Variants in GNB1 observed in about 807,000 individuals in gnomAD.
GNB1 encodes the protein G protein subunit beta 1, also known as guanine nucleotide-binding protein G(I)/G(S)/G(T) subunit beta-1.
Under a neutral mutation model 42.9 loss-of-function variants are expected in GNB1, and 2 were observed. The ratio of observed to expected loss-of-function variants is 0.05; its 90% CI spans 0.02 to 0.15. GNB1 has a LOEUF of 0.15. GNB1 is among the 10% of genes least tolerant of loss of function. The probability of loss-of-function intolerance (pLI) is 1.00; values close to 1 mark genes in which losing one functional copy is unlikely to be tolerated. For synonymous variants in GNB1, 183 were observed against 174.7 expected (o/e 1.05, Z -0.38); for missense variants, 193 against 462.2 (o/e 0.42, Z 5.34).
chr1:1,805,457 G>C (rs925160458), intron 6 of GNB1, among the ~76,000 whole-genome samples: 1 of 151,940 alleles, frequency 6.6e-6, no homozygotes, highest in Admixed American at 6.6e-5. Flanking sequence ...GCAATGCTCC[G>C]TCTCAAAAAC....
At chr1:1,859,666 GA>G (rs1451100275) in intron 1 of GNB1, among the ~76,000 whole-genome samples, 2 of 135,250 alleles carry the variant, frequency 1.5e-5, no homozygotes, top group African/African-American at 5.4e-5. Flanking sequence ...CTAAAGGAGA[GA>G]AAAGGGGAGA....
At chr1:1,855,158 CAAAA>C (rs35111543) in intron 1 of GNB1, among the ~76,000 whole-genome samples, 2 of 133,098 alleles carry the variant, frequency 1.5e-5, no homozygotes, top group Non-Finnish European at 1.6e-5. Context: ...GACCGTATCT[CAAAA>C]AAAAAAAAAA....
At chr1:1,849,798 A>G (rs1027835511) in intron 1 of GNB1, among the ~76,000 whole-genome samples, 4 of 151,974 alleles carry the variant, frequency 2.6e-5, no homozygotes, top group Non-Finnish European at 4.4e-5. Context: ...TTTTTTGTTT[A>G]TATTTATGGT....
At chr1:1,799,101 T>C (rs1646588505) in intron 7 of GNB1, among the ~76,000 whole-genome samples, 1 of 152,090 alleles carries the variant, frequency 6.6e-6, no homozygotes, top group Non-Finnish European at 1.5e-5. Context: ...TTTGTATTTT[T>C]AGTAGAGATG....
At chr1:1,880,296 T>C (rs893010849) in intron 1 of GNB1, among the ~76,000 whole-genome samples, 6 of 152,196 alleles carry the variant, frequency 3.9e-5, no homozygotes, top group Non-Finnish European at 8.8e-5. Context: ...AAAAGTCAAA[T>C]AACATCTTAA....
chr1:1,812,407 TACACAC>T (rs4012956), intron 5 of GNB1, among the ~76,000 whole-genome samples: 1 of 146,224 alleles, frequency 6.8e-6, no homozygotes, highest in Non-Finnish European at 1.5e-5. Flanking sequence ...CACACATACA[TACACAC>T]ACACACACAC....
At chr1:1,870,937 A>G (rs1187121024) in intron 1 of GNB1, among the ~76,000 whole-genome samples, 1 of 152,104 alleles carries the variant, frequency 6.6e-6, no homozygotes, top group Non-Finnish European at 1.5e-5. Context: ...AAAAAAATAA[A>G]CAATAAAATA....
At chr1:1,824,039 T>C (rs1028497355) in intron 3 of GNB1, among the ~76,000 whole-genome samples, 4 of 152,088 alleles carry the variant, frequency 2.6e-5, no homozygotes, top group East Asian at 1.9e-4. Context: ...TATTTAGGTA[T>C]GTACTGAATG....
At chr1:1,852,814 A>G (rs1209647889) in intron 1 of GNB1, among the ~76,000 whole-genome samples, 1 of 151,702 alleles carries the variant, frequency 6.6e-6, no homozygotes, top group Non-Finnish European at 1.5e-5. Flanking sequence ...TCCTGCTCTC[A>G]CCAACCCAGC....
intron 1 of GNB1, among the ~76,000 whole-genome samples, chr1:1,855,276 G>A (rs375983200): frequency 2.2e-4 from 32 of 142,388 alleles, no homozygotes; most frequent in African/African-American, 7.4e-4. Context: ...AGCTGAGATC[G>A]CCCCCACTGC....
Position 1,806,505 on chromosome 1 carries a change from A to C in GNB1, c.237T>G (p.Leu79=). 6.2e-7 allele frequency: 1 copy of C among 1,611,686 alleles called. No individual in the cohort carries two copies. Among genetic ancestry groups the C allele is most frequent in the Non-Finnish European group, 8.5e-7 (1 of 1,177,950 alleles). Residue 79 remains leucine, a synonymous_variant, in exon 6 of 12, where the codon CTT becomes CTG. Coordinates refer to ENST00000378609, the MANE Select transcript of GNB1 (RefSeq NM_002074.5). ...LLVSASQDGK[L]IIWDSYTTNK... is the part of the protein sequence containing the mutation. ...TGGTGGTGTAGCTGTCCCAGATGAT[A>C]AGTTTACCATCCTGCGAGGCACTGA...
intron 1 of GNB1, among the ~76,000 whole-genome samples, chr1:1,853,504 C>A (rs1356769552): frequency 6.6e-6 from 1 of 152,062 alleles, no homozygotes; most frequent in Admixed American, 6.6e-5. Context: ...CATATTTTTG[C>A]CTCAAAGAAT....
chr1:1,887,321 C>G (rs1650211394), intron 1 of GNB1, among the ~76,000 whole-genome samples: 2 of 152,184 alleles, frequency 1.3e-5, no homozygotes, highest in African/African-American at 4.8e-5. Flanking sequence ...AAAAAGTCAA[C>G]TGATGGTAGA....
At chr1:1,791,559 G>C (rs1646481891) in intron 8 of GNB1, among the ~76,000 whole-genome samples, 1 of 152,192 alleles carries the variant, frequency 6.6e-6, no homozygotes, top group South Asian at 2.1e-4. Context: ...CAGAAGCCTG[G>C]CTCAGGTGTA....
At chr1:1,796,593 G>C (rs546764163) in intron 7 of GNB1, among the ~76,000 whole-genome samples, 1 of 152,172 alleles carries the variant, frequency 6.6e-6, no homozygotes, top group African/African-American at 2.4e-5. Context: ...GGGTATGTGT[G>C]GGGGGACACT....
intron 4 of GNB1, 157 bp downstream of exon 4, chr1:1,817,680 T>C: frequency 1.8e-6 from 1 of 559,876 alleles, no homozygotes; most frequent in Non-Finnish European, 3.3e-6. Context: ...CTATTTCCTA[T>C]GCCTACCATC....
chr1:1,885,588 G>A lies in GNB1; in HGVS notation c.-96+5232C>T, dbSNP rs190784408. ...TTTTTTTTTTGTGAAACGGAGTCTC[G>A]CTCAGTCACCCAGGCTGGAGTGCAG... On this transcript the variant is annotated intron_variant, in intron 1 of 11. Coordinates refer to ENST00000378609, the MANE Select transcript of GNB1 (RefSeq NM_002074.5). Among the ~76,000 whole-genome samples the A allele has an allele frequency of 8.1e-3, 924 of 114,042 alleles. 14 individuals carry two copies. Among genetic ancestry groups the A allele is most frequent in the African/African-American group, 0.031 (895 of 28,964 alleles). The allele number at this position is 114,042 out of a possible 152,430, so 74.8% of individuals were successfully genotyped here. A position where few individuals can be genotyped will look rare whatever the true frequency, so the allele number is the denominator to read the frequency against.
intron 1 of GNB1, among the ~76,000 whole-genome samples, chr1:1,855,896 T>C (rs1468143552): frequency 2.0e-5 from 3 of 152,214 alleles, no homozygotes; most frequent in Non-Finnish European, 4.4e-5. Context: ...AAGAGTGAAG[T>C]TGACAGCACT....
chr1:1,886,802 T>C (rs932209654), intron 1 of GNB1, among the ~76,000 whole-genome samples: 1 of 152,054 alleles, frequency 6.6e-6, no homozygotes, highest in East Asian at 1.9e-4. Flanking sequence ...CCCTCCCGGG[T>C]TCCTGCCATT....
Sources: gnomAD v4.1 joint callset for allele counts (sites outside exome capture counted in the v4.1 genomes callset) on GRCh38, gnomAD v4.1.1 for gene constraint, MANE v1.5 for transcripts, NCBI Gene and HGNC (gene_info 2026-07-23, HGNC 2026-07-21) for gene names.